SPATA31D3: variants seen among roughly 807,000 people sequenced by gnomAD.
SPATA31D3 encodes the protein SPATA31 subfamily D member 3.
For missense variants in SPATA31D3, 91 were observed against 297.9 expected (o/e 0.31, Z 5.11); for synonymous variants, 27 against 107.8 (o/e 0.25, Z 4.65).
chr9:81,945,273 C>CCTTTTT, intron 3 of SPATA31D3, 41 bp downstream of exon 3: 1 of 91,354 alleles, frequency 1.1e-5, no homozygotes, highest in Non-Finnish European at 1.9e-5. Context: ...CCACCGCCTT[C>CCTTTTT]TTTTTTTTTT....
Position 81,949,897 on chromosome 9 carries a change from C to T in SPATA31D3, c.*1890C>T, listed in dbSNP as rs117683185. The T allele has an allele frequency of 5.3e-3, 3,715 of 696,558 alleles. 15 individuals are homozygous for T. The highest frequency in any genetic ancestry group is 6.5e-3 in the Non-Finnish European group (2,640 of 403,488). 43.1% of individuals were successfully genotyped at this position (696,558 alleles called of 1,614,324 possible). A position where few individuals can be genotyped will look rare whatever the true frequency, so the allele number is the denominator to read the frequency against. ...AAGCCTGTGCCACAGCCAAACCCCACTTGCAGTGTGAAGTCAACCTGGTGC... is the reference window on the plus strand; with the variant it reads ...AAGCCTGTGCCACAGCCAAACCCCATTTGCAGTGTGAAGTCAACCTGGTGC... On this transcript the variant is annotated 3_prime_UTR_variant, in exon 4 of 4. Transcript: ENST00000445385.
Position 81,945,221 on chromosome 9 carries a change from T to A in SPATA31D3, c.282T>A (p.Ser94=). 1 of 1,076,954 alleles carries A rather than the reference T, an allele frequency of 9.3e-7. No homozygotes were observed. The highest frequency in any genetic ancestry group is 3.2e-5 in the East Asian group (1 of 31,024). The allele number at this position is 1,076,954 out of a possible 1,614,324, so 66.7% of individuals were successfully genotyped here. Residue 94 remains serine (S), a synonymous_variant, in exon 3 of 4, where the codon TCT becomes TCA. Coordinates refer to ENST00000445385, the MANE Select transcript of SPATA31D3 (RefSeq NM_207416.3). ...CAGAAGAGGAAAGAAAGCTACATTC[T>A]TTTCTGAAAAGGTGATTAATCATTC... is the stretch of plus-strand genomic sequence containing the variant. The part of the protein sequence containing the change: ...KEAEEERKLH[S]FLKSFGPPVS...
rs1258093230 is a variant in SPATA31D3, at chr9:81,948,050, A to T, written c.*43A>T. 1.3e-6 allele frequency: 2 copies of T among 1,597,560 alleles called. No homozygotes were observed. Among genetic ancestry groups the T allele is most frequent in the Non-Finnish European group, 1.7e-6 (2 of 1,172,212 alleles). ...CCCCGCAAGATCCGTGAACCCACAG[A>T]AATCTTCAAATCAGAAGAGGATATT... On this transcript the variant is annotated 3_prime_UTR_variant, in exon 4 of 4. Coordinates refer to ENST00000445385, the MANE Select transcript of SPATA31D3 (RefSeq NM_207416.3).
At position 81,949,458 on chromosome 9, in the gene SPATA31D3, T is replaced by C. The variant is rs1823978658; in HGVS notation, c.*1451T>C. 1.6e-5 allele frequency: 7 copies of C among 427,734 alleles called. No homozygotes were observed. In the Middle Eastern group the frequency reaches 9.8e-4, roughly 60 times the overall value. 26.5% of individuals were successfully genotyped at this position (427,734 alleles called of 1,614,324 possible). On this transcript the variant is annotated 3_prime_UTR_variant, in exon 4 of 4. Transcript: ENST00000445385. ...AAAAGGGTAGCTCCTTGTCATCATC[T>C]GTGCAGAATAGAGGTCGAGTTAAAA...
At position 81,950,029 on chromosome 9, in the gene SPATA31D3, C is replaced by A. The variant is rs376670407; in HGVS notation, c.*2022C>A. On this transcript the variant is annotated 3_prime_UTR_variant, in exon 4 of 4. Coordinates refer to ENST00000445385, the MANE Select transcript of SPATA31D3 (RefSeq NM_207416.3). ...ATTTGCAGGGAGGAAAATTTCCCCC[C>A]AAAAAATAATTAACTCCTTGTTGAG... 1.7e-4 allele frequency: 56 copies of A among 324,960 alleles called. No homozygotes were observed. Among genetic ancestry groups the A allele is most frequent in the Middle Eastern group, 6.8e-4 (1 of 1,464 alleles). 20.1% of individuals were successfully genotyped at this position (324,960 alleles called of 1,614,324 possible).
At position 81,949,361 on chromosome 9, in the gene SPATA31D3, C is replaced by G. The variant is rs1198598340; in HGVS notation, c.*1354C>G. 1 of 354,142 alleles carries G rather than the reference C, an allele frequency of 2.8e-6. No individual in the cohort carries two copies. Among genetic ancestry groups the G allele is most frequent in the African/African-American group, 2.1e-5 (1 of 47,552 alleles). The allele number at this position is 354,142 out of a possible 1,614,324, so 21.9% of individuals were successfully genotyped here. ...CCTCCTCCTGAAAACCTTTTCGGAA[C>G]ATTGATGAAGACCTTTTTGCAGCAG... is the stretch of plus-strand genomic sequence containing the variant. On this transcript the variant is annotated 3_prime_UTR_variant, in exon 4 of 4. Coordinates refer to ENST00000445385, the MANE Select transcript of SPATA31D3 (RefSeq NM_207416.3).
chr9:81,947,088 C>CATTAAAAAA lies in SPATA31D3; in HGVS notation c.1835_1836insATTAAAAAA (p.Leu613_Met614insLysAsnLeu). The CATTAAAAAA allele has an allele frequency of 5.8e-6, 1 of 171,086 alleles. No homozygotes were observed. Among genetic ancestry groups the CATTAAAAAA allele is most frequent in the Non-Finnish European group, 9.5e-6 (1 of 104,772 alleles). The allele number at this position is 171,086 out of a possible 1,614,324, so 10.6% of individuals were successfully genotyped here. On this transcript the variant is annotated inframe_insertion, in exon 4 of 4. Coordinates refer to ENST00000445385, the MANE Select transcript of SPATA31D3 (RefSeq NM_207416.3). ...CATAGACCCCAGAATGAGGCACGGT[C>CATTAAAAAA]TCTTATGCCATCTGAAATTAATCAT...
Position 81,949,643 on chromosome 9 carries a change from C to G in SPATA31D3, c.*1636C>G. The G allele has an allele frequency of 1.1e-6, 1 of 917,790 alleles. No homozygotes were observed. Among genetic ancestry groups the G allele is most frequent in the South Asian group, 1.4e-5 (1 of 72,980 alleles). 56.9% of individuals were successfully genotyped at this position (917,790 alleles called of 1,614,324 possible). A position where few individuals can be genotyped will look rare whatever the true frequency, so the allele number is the denominator to read the frequency against. The stretch of plus-strand genomic sequence containing the variant: ...CAGCTTGGGAAATCTCAGAATGTGC[C>G]AGAACTGCAGGTCAGAGCAGAGCCT... On this transcript the variant is annotated 3_prime_UTR_variant, in exon 4 of 4. Coordinates refer to ENST00000445385, the MANE Select transcript of SPATA31D3 (RefSeq NM_207416.3).
chr9:81,949,669 G>A lies in SPATA31D3; in HGVS notation c.*1662G>A. The A allele has an allele frequency of 7.7e-6, 9 of 1,168,796 alleles. No homozygotes were observed. The highest frequency in any genetic ancestry group is 1.1e-5 in the Non-Finnish European group (9 of 782,818). 72.4% of individuals were successfully genotyped at this position (1,168,796 alleles called of 1,614,324 possible). A position where few individuals can be genotyped will look rare whatever the true frequency, so the allele number is the denominator to read the frequency against. ...AGAACTGCAGGTCAGAGCAGAGCCT[G>A]TCCAGGGCTATCCCTGCAACTACAT... On this transcript the variant is annotated 3_prime_UTR_variant, in exon 4 of 4. Transcript: ENST00000445385.
rs763976966 is a variant in SPATA31D3 at position 81,949,742 on chromosome 9, C to G, written c.*1735C>G. On this transcript the variant is annotated 3_prime_UTR_variant, in exon 4 of 4. Transcript: ENST00000445385. ...TGTACCAAATCTTGCAGCCAACAAGCTATCTTTGTCGGCCAGAATTATCCT... is the reference window on the plus strand; with the variant it reads ...TGTACCAAATCTTGCAGCCAACAAGGTATCTTTGTCGGCCAGAATTATCCT... 2.1e-6 allele frequency: 3 copies of G among 1,407,362 alleles called. No homozygotes were observed. Among genetic ancestry groups the G allele is most frequent in the Non-Finnish European group, 2.0e-6 (2 of 996,726 alleles). 87.2% of individuals were successfully genotyped at this position (1,407,362 alleles called of 1,614,324 possible). A position where few individuals can be genotyped will look rare whatever the true frequency, so the allele number is the denominator to read the frequency against.
Position 81,949,801 on chromosome 9 carries a change from T to G in SPATA31D3, c.*1794T>G. ...TAGACAGATCATAGACAAGGACAGATAGCCCCAGGAAGTTGGACATTTAAG... is the reference window on the plus strand; with the variant it reads ...TAGACAGATCATAGACAAGGACAGAGAGCCCCAGGAAGTTGGACATTTAAG... On this transcript the variant is annotated 3_prime_UTR_variant, in exon 4 of 4. Coordinates refer to ENST00000445385, the MANE Select transcript of SPATA31D3 (RefSeq NM_207416.3). 1.6e-6 allele frequency: 2 copies of G among 1,265,088 alleles called. No homozygotes were observed. Among genetic ancestry groups the G allele is most frequent in the Non-Finnish European group, 2.3e-6 (2 of 869,840 alleles). The allele number at this position is 1,265,088 out of a possible 1,614,324, so 78.4% of individuals were successfully genotyped here.
chr9:81,949,355 T>C lies in SPATA31D3; in HGVS notation c.*1348T>C. On this transcript the variant is annotated 3_prime_UTR_variant, in exon 4 of 4. Transcript: ENST00000445385. The stretch of plus-strand genomic sequence containing the variant: ...ACACAGCCTCCTCCTGAAAACCTTT[T>C]CGGAACATTGATGAAGACCTTTTTG... 2.8e-6 allele frequency: 1 copy of C among 357,122 alleles called. No homozygotes were observed. The highest frequency in any genetic ancestry group is 3.8e-5 in the Admixed American group (1 of 26,112). 22.1% of individuals were successfully genotyped at this position (357,122 alleles called of 1,614,324 possible). A position where few individuals can be genotyped will look rare whatever the true frequency, so the allele number is the denominator to read the frequency against.
At position 81,950,041 on chromosome 9, in the gene SPATA31D3, A is replaced by C; in HGVS notation, c.*2034A>C. ...GAAAATTTCCCCCCAAAAAATAATT[A>C]ACTCCTTGTTGAGAATCTTGACTCT... On this transcript the variant is annotated 3_prime_UTR_variant, in exon 4 of 4. Coordinates refer to ENST00000445385, the MANE Select transcript of SPATA31D3 (RefSeq NM_207416.3). 3 of 322,708 alleles carry C rather than the reference A, an allele frequency of 9.3e-6. No homozygotes were observed. Among genetic ancestry groups the C allele is most frequent in the Middle Eastern group, 7.7e-4 (1 of 1,292 alleles). The allele number at this position is 322,708 out of a possible 1,614,324, so 20.0% of individuals were successfully genotyped here.
rs1823932849 is a variant in SPATA31D3 at position 81,948,074 on chromosome 9, T to C, written c.*67T>C. The C allele has an allele frequency of 7.0e-6, 11 of 1,572,386 alleles. 1 individual carries two copies. The highest frequency in any genetic ancestry group is 6.0e-5 in the South Asian group (5 of 83,632). The stretch of plus-strand genomic sequence containing the variant: ...GAAATCTTCAAATCAGAAGAGGATA[T>C]TTCCAATTCCTTTTCCCATTTCTAC... On this transcript the variant is annotated 3_prime_UTR_variant, in exon 4 of 4. Coordinates refer to ENST00000445385, the MANE Select transcript of SPATA31D3 (RefSeq NM_207416.3).
rs534073129 is a variant in SPATA31D3, at chr9:81,949,821, T to C, written c.*1814T>C. The C allele has an allele frequency of 7.6e-4, 870 of 1,143,102 alleles. 1 individual carries two copies. The highest frequency in any genetic ancestry group is 1.1e-3 in the Non-Finnish European group (804 of 765,632). 70.8% of individuals were successfully genotyped at this position (1,143,102 alleles called of 1,614,324 possible). A position where few individuals can be genotyped will look rare whatever the true frequency, so the allele number is the denominator to read the frequency against. ...ACAGATAGCCCCAGGAAGTTGGACA[T>C]TTAAGGGGAAGATATTGTGTCAAAG... On this transcript the variant is annotated 3_prime_UTR_variant, in exon 4 of 4. Transcript: ENST00000445385.
rs117930932 is a variant in SPATA31D3, at chr9:81,950,002, G to T, written c.*1995G>T. ...TAACTGGACAGAAAATACTTCCAAA[G>T]CATTTGCAGGGAGGAAAATTTCCCC... On this transcript the variant is annotated 3_prime_UTR_variant, in exon 4 of 4. Transcript: ENST00000445385. The T allele has an allele frequency of 3.5e-3, 1,261 of 355,436 alleles. 4 individuals carry two copies. The highest frequency in any genetic ancestry group is 5.5e-3 in the Non-Finnish European group (1,069 of 193,834). The allele number at this position is 355,436 out of a possible 1,614,324, so 22.0% of individuals were successfully genotyped here.
At position 81,949,801 on chromosome 9, in the gene SPATA31D3, T is replaced by A; in HGVS notation, c.*1794T>A. ...TAGACAGATCATAGACAAGGACAGA[T>A]AGCCCCAGGAAGTTGGACATTTAAG... On this transcript the variant is annotated 3_prime_UTR_variant, in exon 4 of 4. Transcript: ENST00000445385. 1 of 1,265,088 alleles carries A rather than the reference T, an allele frequency of 7.9e-7. No individual in the cohort carries two copies. Among genetic ancestry groups the A allele is most frequent in the South Asian group, 1.2e-5 (1 of 82,298 alleles). The allele number at this position is 1,265,088 out of a possible 1,614,324, so 78.4% of individuals were successfully genotyped here. A position where few individuals can be genotyped will look rare whatever the true frequency, so the allele number is the denominator to read the frequency against.
Position 81,949,881 on chromosome 9 carries a change from C to T in SPATA31D3, c.*1874C>T, listed in dbSNP as rs1824002824. 5.2e-6 allele frequency: 4 copies of T among 775,072 alleles called. No individual in the cohort carries two copies. The highest frequency in any genetic ancestry group is 1.7e-5 in the African/African-American group (1 of 57,982). 48.0% of individuals were successfully genotyped at this position (775,072 alleles called of 1,614,324 possible). On this transcript the variant is annotated 3_prime_UTR_variant, in exon 4 of 4. Coordinates refer to ENST00000445385, the MANE Select transcript of SPATA31D3 (RefSeq NM_207416.3). ...ATCCATGCCCCACAGGAAGCCTGTG[C>T]CACAGCCAAACCCCACTTGCAGTGT...
At position 81,949,545 on chromosome 9, in the gene SPATA31D3, C is replaced by A. The variant is rs1823982710; in HGVS notation, c.*1538C>A. ...AAATTAGGAAAGACACTGGGGAGTTCATAGAAGAGAAGCTGGGGCATAGAC... is the reference window on the plus strand; with the variant it reads ...AAATTAGGAAAGACACTGGGGAGTTAATAGAAGAGAAGCTGGGGCATAGAC... On this transcript the variant is annotated 3_prime_UTR_variant, in exon 4 of 4. Coordinates refer to ENST00000445385, the MANE Select transcript of SPATA31D3 (RefSeq NM_207416.3). 6 of 589,458 alleles carry A rather than the reference C, an allele frequency of 1.0e-5. No homozygotes were observed. The highest frequency in any genetic ancestry group is 1.8e-5 in the South Asian group (1 of 55,700). The allele number at this position is 589,458 out of a possible 1,614,324, so 36.5% of individuals were successfully genotyped here. A position where few individuals can be genotyped will look rare whatever the true frequency, so the allele number is the denominator to read the frequency against.
Sources: gnomAD v4.1 joint callset for allele counts on GRCh38, gnomAD v4.1.1 for gene constraint, MANE v1.5 for transcripts, NCBI Gene and HGNC (gene_info 2026-07-23, HGNC 2026-07-21) for gene names.